Variants in CNIH3 observed in about 807,000 individuals in gnomAD.
CNIH3 encodes the protein cornichon family AMPA receptor auxiliary protein 3.
A neutral mutation model predicts 24.1 loss-of-function variants in CNIH3; 14 were observed. That is an observed-to-expected ratio of 0.58 (90% CI 0.38 to 0.91). CNIH3 has a LOEUF of 0.91. Among genes scored for constraint, CNIH3 ranks in the 40% least tolerant of loss-of-function variants. The pLI, the probability that CNIH3 is intolerant of heterozygous loss-of-function variation, is 0.00. For missense variants in CNIH3, 178 were observed against 196.8 expected, an observed-to-expected ratio of 0.90 and a Z score of 0.57; for synonymous variants, 68 against 73.8, an observed-to-expected ratio of 0.92 and a Z score of 0.40.
intron 1 of CNIH3, among the ~76,000 whole-genome samples, chr1:224,464,528 C>G (rs565380111): frequency 1.4e-4 from 22 of 152,282 alleles, no homozygotes; most frequent in Admixed American, 1.3e-4. Flanking sequence ...TCATTTCTTT[C>G]TTTTTTGCAT....
At chr1:224,607,165 T>TTAA (rs1222386181) in intron 3 of CNIH3, among the ~76,000 whole-genome samples, 1 of 152,234 alleles carries the variant, frequency 6.6e-6, no homozygotes, top group African/African-American at 2.4e-5. Flanking sequence ...GTCCCTGTGC[T>TTAA]TCCACACAGC....
intron 2 of CNIH3, among the ~76,000 whole-genome samples, chr1:224,527,091 A>T (rs1441547081): frequency 6.6e-6 from 1 of 152,296 alleles, no homozygotes; most frequent in East Asian, 1.9e-4. Flanking sequence ...GTCACAGCCG[A>T]AACAGACTAA....
At chr1:224,522,367 A>G (rs776105413) in intron 2 of CNIH3, among the ~76,000 whole-genome samples, 2 of 152,224 alleles carry the variant, frequency 1.3e-5, no homozygotes, top group African/African-American at 2.4e-5. Context: ...AACAGAATAG[A>G]AGATACTACT....
chr1:224,600,277 C>T (rs1196416230), intron 3 of CNIH3, among the ~76,000 whole-genome samples: 1 of 151,766 alleles, frequency 6.6e-6, no homozygotes, highest in Non-Finnish European at 1.5e-5. Context: ...GCAACCTCCA[C>T]CTCCCAGGTT....
chr1:224,544,950 G>A lies in CNIH3; in HGVS notation n.340-1879G>A, dbSNP rs146144689. On this transcript the variant is annotated intron_variant and non_coding_transcript_variant, in intron 2 of 5. Coordinates refer to the CNIH3 transcript ENST00000471578. ...GTCTTCAGGCTTCTGGCCTGAGGGA[G>A]GAAGTAGAGTGGGGTGAGTGTTAGC... Among the ~76,000 whole-genome samples, 209 of 152,298 alleles carry A rather than the reference G, an allele frequency of 1.4e-3. 3 individuals are homozygous for A. The East Asian group carries it at 0.024, about 17-fold the overall frequency.
intron 1 of CNIH3, among the ~76,000 whole-genome samples, chr1:224,642,243 T>C (rs1213305087): frequency 1.3e-5 from 2 of 152,194 alleles, no homozygotes; most frequent in South Asian, 2.1e-4. Context: ...CTGTTTTTTT[T>C]CCTTGAGGGT....
In CNIH3 at chr1:224,616,916, G is replaced by T; in HGVS notation, c.-259G>T. ...TGATTTGGTTTCTTCTTCGATTTGCGGACGGTTCCCTCCAGCGACTCTCGA... is the reference window on the plus strand; with the variant it reads ...TGATTTGGTTTCTTCTTCGATTTGCTGACGGTTCCCTCCAGCGACTCTCGA... On this transcript the variant is annotated 5_prime_UTR_variant, in exon 1 of 6. An upstream open reading frame in the 5' UTR gains an earlier in-frame stop. Coordinates refer to ENST00000272133, the MANE Select transcript of CNIH3 (RefSeq NM_152495.2). 1.5e-6 allele frequency: 2 copies of T among 1,312,240 alleles called. No individual in the cohort carries two copies. The highest frequency in any genetic ancestry group is 1.9e-6 in the Non-Finnish European group (2 of 1,034,194). 81.3% of individuals were successfully genotyped at this position (1,312,240 alleles called of 1,614,324 possible).
Position 224,458,093 on chromosome 1 carries a change from C to T in CNIH3, n.203+23231C>T, listed in dbSNP as rs186356925. ...GGATATTCCCTTCCAGGGCTCCTAC[C>T]CTCTCCTGATTTTGCATCCAGGGAC... On this transcript the variant is annotated intron_variant and non_coding_transcript_variant, in intron 1 of 5. Coordinates refer to the CNIH3 transcript ENST00000471578. This position sits in a 1 kb window ranked among gnomAD's most constrained non-coding sequence, Gnocchi z 4.3. 6.6e-6 allele frequency among the ~76,000 whole-genome samples: 1 copy of T among 152,254 alleles called. No homozygotes were observed. Among genetic ancestry groups the T allele is most frequent in the African/African-American group, 2.4e-5 (1 of 41,558 alleles).
chr1:224,692,533 G>A (rs139723140), intron 3 of CNIH3, among the ~76,000 whole-genome samples: 3 of 152,256 alleles, frequency 2.0e-5, no homozygotes, highest in Non-Finnish European at 2.9e-5. Flanking sequence ...CATCCTTGAC[G>A]CAGAAGTTTT....
intron 3 of CNIH3, among the ~76,000 whole-genome samples, chr1:224,718,349 G>A (rs941370499): frequency 3.9e-5 from 6 of 152,184 alleles, no homozygotes; most frequent in African/African-American, 1.4e-4. Flanking sequence ...GGTGGGAACA[G>A]ACATGCTGGG....
chr1:224,467,665 C>G (rs1676202737), intron 1 of CNIH3, among the ~76,000 whole-genome samples: 1 of 152,044 alleles, frequency 6.6e-6, no homozygotes, highest in Non-Finnish European at 1.5e-5. Flanking sequence ...CTCAGGTGAT[C>G]CACTCACTTC....
intron 1 of CNIH3, among the ~76,000 whole-genome samples, chr1:224,627,835 A>C (rs1683615664): frequency 6.6e-6 from 1 of 152,128 alleles, no homozygotes; most frequent in African/African-American, 2.4e-5. Context: ...CACTGCCACG[A>C]TGGGCCTTGG....
intron 3 of CNIH3, among the ~76,000 whole-genome samples, chr1:224,725,323 C>T (rs1397457877): frequency 6.6e-6 from 1 of 152,182 alleles, no homozygotes; most frequent in Non-Finnish European, 1.5e-5. Flanking sequence ...CATCCTGTGT[C>T]CCTGGCTGGT....
intron 4 of CNIH3, chr1:224,575,164 A>G (rs1397881443): frequency 3.4e-5 from 35 of 1,039,926 alleles, no homozygotes; most frequent in Admixed American, 6.8e-5. Context: ...GCCAAACACA[A>G]TAAAACTACA....
intron 2 of CNIH3, among the ~76,000 whole-genome samples, chr1:224,545,480 T>A (rs761727941): frequency 1.3e-3 from 200 of 152,198 alleles, no homozygotes; most frequent in Non-Finnish European, 2.3e-3. Flanking sequence ...TTCCCAGGCA[T>A]TCTAGTCCTT....
intron 1 of CNIH3, among the ~76,000 whole-genome samples, chr1:224,446,920 G>A (rs964236191): frequency 6.6e-6 from 1 of 151,974 alleles, no homozygotes; most frequent in Non-Finnish European, 1.5e-5. Context: ...AGATGGTGTC[G>A]GTCACTCACT....
intron 1 of CNIH3, among the ~76,000 whole-genome samples, chr1:224,652,839 G>A (rs1684924078): frequency 1.3e-5 from 2 of 152,200 alleles, no homozygotes; most frequent in Non-Finnish European, 1.5e-5. Context: ...GAGGGTTGGC[G>A]CAGCACACGT....
Position 224,654,954 on chromosome 1 carries a change from G to C in CNIH3, c.82-26004G>C, listed in dbSNP as rs543305436. 3.3e-5 allele frequency among the ~76,000 whole-genome samples: 5 copies of C among 152,120 alleles called. No homozygotes were observed. The South Asian group carries it at 6.2e-4, about 19-fold the overall frequency. ...TAACCTTCAGGTCTCTCTTTGGCTC[G>C]TGTATCTTTTAGGGTCCCATTAGAA... On this transcript the variant is annotated intron_variant, in intron 1 of 5. Coordinates refer to ENST00000272133, the MANE Select transcript of CNIH3 (RefSeq NM_152495.2).
At chr1:224,615,728 G>A (rs954307583), upstream of CNIH3, 3 of 152,224 alleles carry the variant, frequency 2.0e-5, no homozygotes, top group Non-Finnish European at 2.9e-5. Flanking sequence ...TAGTCCCAAG[G>A]TCGGATGGCT....
Sources: allele counts gnomAD v4.1 joint callset (sites outside exome capture counted in the v4.1 genomes callset), GRCh38; gene constraint gnomAD v4.1.1; non-coding constraint Gnocchi (gnomAD v3.1); transcripts MANE v1.5; gene names NCBI Gene and HGNC (gene_info 2026-07-23, HGNC 2026-07-21).